The following CNTNAP2 variants were observed in gnomAD, a reference collection of about 807,000 sequenced individuals.
CNTNAP2 encodes contactin-associated protein-like 2.
Under a neutral mutation model 155.2 loss-of-function variants are expected in CNTNAP2, and 98 were observed. That is an observed-to-expected ratio of 0.63 (90% CI 0.54 to 0.75). The LOEUF (loss-of-function observed/expected upper bound fraction) is 0.75, where lower values mean the gene tolerates loss of function less well. Among genes scored for constraint, CNTNAP2 ranks in the 30% least tolerant of loss-of-function variants. The pLI is 0.00. For synonymous variants in CNTNAP2, 651 were observed against 631.2 expected (o/e 1.03, Z -0.47); for missense variants, 1,727 against 1,688.1 (o/e 1.02, Z -0.40).
At position 147,639,381 on chromosome 7, in the gene CNTNAP2, G is replaced by T. The variant is rs113503965; in HGVS notation, c.2098+75G>T. 9.8e-4 allele frequency: 1,364 copies of T among 1,392,246 alleles called. 8 individuals carry two copies. The African/African-American group carries it at 0.014, about 14-fold the overall frequency. 86.2% of individuals were successfully genotyped at this position (1,392,246 alleles called of 1,614,324 possible). On this transcript the variant is annotated intron_variant, in intron 13 of 23. Coordinates refer to ENST00000361727, the MANE Select transcript of CNTNAP2 (RefSeq NM_014141.6). The stretch of plus-strand genomic sequence containing the variant: ...TAGAATTGCCTAAAGAATCCAACAG[G>T]TGTGGTTCATTATCTTATAGTCTAG...
intron 2 of CNTNAP2, among the ~76,000 whole-genome samples, chr7:146,835,987 A>G (rs1479493000): frequency 1.3e-5 from 2 of 152,158 alleles, no homozygotes; most frequent in African/African-American, 4.8e-5. Flanking sequence ...AAGGTATACC[A>G]TCTACATGTG....
rs551519658 is a variant in CNTNAP2, at chr7:146,745,627, C to G, written c.98-28644C>G. Among the ~76,000 whole-genome samples, 9 of 152,048 alleles carry G rather than the reference C, an allele frequency of 5.9e-5. No individual in the cohort carries two copies. In the South Asian group the frequency reaches 1.9e-3, roughly 32 times the overall value. ...ACTAAAAATGCAAAAATTAGCCAAG[C>G]GTGGTGGTGCACACCTGTAATCCCA... On this transcript the variant is annotated intron_variant, in intron 1 of 23. Coordinates refer to ENST00000361727, the MANE Select transcript of CNTNAP2 (RefSeq NM_014141.6).
At chr7:146,624,946 T>C (rs1414760608) in intron 1 of CNTNAP2, among the ~76,000 whole-genome samples, 1 of 151,948 alleles carries the variant, frequency 6.6e-6, no homozygotes, top group African/African-American at 2.4e-5. Context: ...TAAATATGTC[T>C]TATAAATTAT....
intron 1 of CNTNAP2, among the ~76,000 whole-genome samples, chr7:146,258,958 G>A (rs1033011060): frequency 6.6e-6 from 1 of 152,066 alleles, no homozygotes; most frequent in African/African-American, 2.4e-5. Context: ...AGTTGTAATC[G>A]CGAAGTGTTG....
chr7:146,199,583 TC>T (rs1163196541), intron 1 of CNTNAP2, among the ~76,000 whole-genome samples: 1 of 152,204 alleles, frequency 6.6e-6, no homozygotes. Context: ...AAGGAAAATA[TC>T]CTGTTTTGTC....
chr7:146,301,870 A>T (rs1180457225), intron 1 of CNTNAP2, among the ~76,000 whole-genome samples: 1 of 152,046 alleles, frequency 6.6e-6, no homozygotes, highest in Non-Finnish European at 1.5e-5. Context: ...TTGATGGTAA[A>T]CCTCTTGTCA....
intron 1 of CNTNAP2, among the ~76,000 whole-genome samples, chr7:146,349,592 T>C (rs993684886): frequency 2.0e-5 from 3 of 152,308 alleles, no homozygotes; most frequent in Admixed American, 2.0e-4. Context: ...GGCATGTTTT[T>C]GCAGTGGCTG....
chr7:148,318,056 C>T lies in CNTNAP2; in HGVS notation c.3475+50930C>T, dbSNP rs76951098. Among the ~76,000 whole-genome samples the T allele has an allele frequency of 1.8e-3, 271 of 152,296 alleles. 4 individuals are homozygous for T. In the East Asian group the frequency reaches 0.04, roughly 23 times the overall value. On this transcript the variant is annotated intron_variant, in intron 21 of 23. Transcript: ENST00000361727. ...ATGCTTCTTTATCCCGGAGAGATGG[C>T]CCTTTCATCAAAGTCTCATTCAGAC...
intron 1 of CNTNAP2, among the ~76,000 whole-genome samples, chr7:146,749,621 C>T (rs1801868962): frequency 6.6e-6 from 1 of 152,058 alleles, no homozygotes; most frequent in Non-Finnish European, 1.5e-5. Context: ...TTTGTCTTTA[C>T]TATTAGACAT....
chr7:146,718,787 G>C (rs963824113), intron 1 of CNTNAP2, among the ~76,000 whole-genome samples: 2 of 151,690 alleles, frequency 1.3e-5, no homozygotes, highest in Non-Finnish European at 2.9e-5. Context: ...AAAAAGTAAC[G>C]GTATCTTTCT....
At chr7:147,754,107 G>C (rs975084533) in intron 13 of CNTNAP2, among the ~76,000 whole-genome samples, 1 of 152,152 alleles carries the variant, frequency 6.6e-6, no homozygotes, top group African/African-American at 2.4e-5. Context: ...CTAGAAGCCA[G>C]ATTAAAGAGG....
intron 8 of CNTNAP2, among the ~76,000 whole-genome samples, chr7:147,229,631 T>G (rs998936655): frequency 1.3e-5 from 2 of 152,220 alleles, no homozygotes; most frequent in Admixed American, 6.5e-5. Flanking sequence ...TTGAGAACAA[T>G]GTTTTACTCA....
At chr7:147,767,255 C>CAAACA (rs1384276578) in intron 13 of CNTNAP2, among the ~76,000 whole-genome samples, 3 of 151,904 alleles carry the variant, frequency 2.0e-5, no homozygotes, top group South Asian at 2.1e-4. Context: ...AGCAAACAAA[C>CAAACA]AAACAAAACA....
At chr7:148,158,743 T>A (rs115640260) in intron 17 of CNTNAP2, among the ~76,000 whole-genome samples, 1,647 of 152,308 alleles carry the variant, frequency 0.011, 34 homozygotes, top group African/African-American at 0.037. Context: ...AACATCCTCA[T>A]GGCAATTGGA....
At chr7:146,536,070 C>A (rs1461067982) in intron 1 of CNTNAP2, among the ~76,000 whole-genome samples, 1 of 152,062 alleles carries the variant, frequency 6.6e-6, no homozygotes, top group Admixed American at 6.6e-5. Context: ...CTCCTTTCTC[C>A]CTCATTCTAC....
At chr7:148,353,020 T>A (rs1360078261) in intron 21 of CNTNAP2, among the ~76,000 whole-genome samples, 1 of 152,172 alleles carries the variant, frequency 6.6e-6, no homozygotes, top group African/African-American at 2.4e-5. Context: ...TAACTCACGT[T>A]TGCTGAAATG....
intron 11 of CNTNAP2, among the ~76,000 whole-genome samples, chr7:147,505,461 C>G (rs991764048): frequency 6.6e-6 from 1 of 152,102 alleles, no homozygotes; most frequent in African/African-American, 2.4e-5. Flanking sequence ...TATAGCCACA[C>G]TATGTAGTGT....
chr7:147,200,097 C>T (rs552859527), intron 8 of CNTNAP2, among the ~76,000 whole-genome samples: 2 of 151,126 alleles, frequency 1.3e-5, no homozygotes, highest in Admixed American at 1.3e-4. Flanking sequence ...ACTTGCTGTA[C>T]CCTGTTTTCT....
intron 21 of CNTNAP2, among the ~76,000 whole-genome samples, chr7:148,295,632 C>T (rs1179240986): frequency 4.4e-5 from 6 of 136,380 alleles, no homozygotes; most frequent in African/African-American, 1.7e-4. Flanking sequence ...GCTGGGACTA[C>T]CGGTGCCCGC....
Sources: allele counts gnomAD v4.1 joint callset (sites outside exome capture counted in the v4.1 genomes callset), GRCh38; gene constraint gnomAD v4.1.1; transcripts MANE v1.5; gene names NCBI Gene and HGNC (gene_info 2026-07-23, HGNC 2026-07-21).